The following AATK variants were observed in gnomAD, a reference collection of about 807,000 sequenced individuals.
AATK encodes the protein serine/threonine-protein kinase LMTK1.
AATK carries 91 observed loss-of-function variants against 114.3 expected under a neutral mutation model. The ratio of observed to expected loss-of-function variants is 0.80; its 90% CI spans 0.67 to 0.95. AATK has a LOEUF of 0.95. AATK is among the 40% of genes least tolerant of loss of function. The pLI, the probability that AATK is intolerant of heterozygous loss-of-function variation, is 0.00. For synonymous variants in AATK, 1,075 were observed against 916.5 expected (o/e 1.17, Z -3.12); for missense variants, 2,176 against 1,965.2 (o/e 1.11, Z -2.03).
chr17:81,120,357 C>A lies in AATK; in HGVS notation c.3579G>T (p.Ala1193=), dbSNP rs1387734465. 1.2e-6 allele frequency: 2 copies of A among 1,609,724 alleles called. No individual in the cohort carries two copies. The highest frequency in any genetic ancestry group is 1.7e-6 in the Non-Finnish European group (2 of 1,179,046). ...GGCTCTCAGCCACCACCACGGGCAC[C>A]GCCGGCGCCTCCTCTTCGCTGTCCT... is the stretch of plus-strand genomic sequence containing the variant. ...PSEDSEEEAP[A]VPVVVAESQS... The change falls in exon 11 of 14, where the codon GCG becomes GCT. Residue 1193 remains alanine, a synonymous_variant. Transcript: ENST00000326724.
intron 1 of AATK, among the ~76,000 whole-genome samples, chr17:81,138,231 A>G (rs1431575135): frequency 6.7e-6 from 1 of 149,604 alleles, no homozygotes; most frequent in Non-Finnish European, 1.5e-5. Flanking sequence ...ATCCACCCAC[A>G]CGCACATACC....
At chr17:81,155,373 T>C (rs371311081) in intron 1 of AATK, among the ~76,000 whole-genome samples, 4 of 145,440 alleles carry the variant, frequency 2.8e-5, no homozygotes, top group African/African-American at 1.1e-4. Flanking sequence ...TTTTAATACA[T>C]TTTACCTATT....
In AATK at chr17:81,119,458, G is replaced by C; in HGVS notation, c.4006C>G (p.Arg1336Gly). The change falls in exon 13 of 14, where the codon CGC becomes GGC. Residue 1336 changes from arginine to glycine, a missense_variant. Around this residue, in one of 4 missense-constraint regions of AATK, gnomAD observed 1,701 missense variants for 1,394.7 expected, o/e 1.22. Coordinates refer to ENST00000326724, the MANE Select transcript of AATK (RefSeq NM_001080395.3). ...APTPTPAPFS[R>G]FTVSPAPTSR... ...GTGGGCGCGGGCGACACCGTGAAGC[G>C]CGAGAAGGGAGCGGGCGTGGGCGTG... The C allele has an allele frequency of 1.3e-6, 2 of 1,513,276 alleles. No homozygotes were observed. Among genetic ancestry groups the C allele is most frequent in the Non-Finnish European group, 1.8e-6 (2 of 1,135,686 alleles). 93.7% of individuals were successfully genotyped at this position (1,513,276 alleles called of 1,614,324 possible).
chr17:81,138,253 A>C (rs534835416), intron 1 of AATK, among the ~76,000 whole-genome samples: 28 of 138,608 alleles, frequency 2.0e-4, no homozygotes, highest in Non-Finnish European at 4.1e-4. Context: ...ACACACATGC[A>C]CAGAGACATA....
At chr17:81,136,669 G>A (rs1291443167) in intron 1 of AATK, among the ~76,000 whole-genome samples, 1 of 152,226 alleles carries the variant, frequency 6.6e-6, no homozygotes, top group East Asian at 1.9e-4. Context: ...GGGTCATTCA[G>A]CACCACGTGC....
Position 81,120,678 on chromosome 17 carries a change from T to C in AATK, c.3258A>G (p.Pro1086=). 1 of 1,514,374 alleles carries C rather than the reference T, an allele frequency of 6.6e-7. No homozygotes were observed. The highest frequency in any genetic ancestry group is 8.8e-7 in the Non-Finnish European group (1 of 1,132,562). The allele number at this position is 1,514,374 out of a possible 1,614,324, so 93.8% of individuals were successfully genotyped here. ...LVPEPPEPQG[P]AKVRPGPSPS... is the part of the protein sequence containing the mutation. ...GGCTGGGCCCAGGCCGCACCTTGGCTGGGCCTTGGGGCTCCGGAGGCTCTG... is the reference window on the plus strand; with the variant it reads ...GGCTGGGCCCAGGCCGCACCTTGGCCGGGCCTTGGGGCTCCGGAGGCTCTG... The change falls in exon 11 of 14, where the codon CCA becomes CCG. Residue 1086 remains proline (P), a synonymous_variant. Transcript: ENST00000326724.
At chr17:81,131,234 C>T in intron 2 of AATK, 29 bp from the exon 3 acceptor site, 1 of 1,550,394 alleles carries the variant, frequency 6.4e-7, no homozygotes. Context: ...ATGAGCGGGG[C>T]TTCTCGCAGG....
At chr17:81,138,144 TACGCGCACGCCCACATGCACACAC>T (rs1190949566) in intron 1 of AATK, among the ~76,000 whole-genome samples, 19 of 116,742 alleles carry the variant, frequency 1.6e-4, no homozygotes, top group African/African-American at 6.5e-4. Flanking sequence ...CATGCACACA[TACGCGCACGCCCACATGCACACAC>T]ACACTTACCC....
chr17:81,134,989 C>T (rs575084815), intron 1 of AATK, among the ~76,000 whole-genome samples: 212 of 152,270 alleles, frequency 1.4e-3, no homozygotes, highest in African/African-American at 4.9e-3. Flanking sequence ...CTCTGAGGTG[C>T]GGGGACCTCA....
chr17:81,117,639 G>A lies in AATK; in HGVS notation c.*763C>T, dbSNP rs915731464. On this transcript the variant is annotated 3_prime_UTR_variant, in exon 14 of 14. Coordinates refer to ENST00000326724, the MANE Select transcript of AATK (RefSeq NM_001080395.3). ...CAGGACCAGATACTGCCCCACAGAG[G>A]GGAGCTGCCTGCACGGTCCTGCCAA... 1 of 152,242 alleles carries A rather than the reference G, an allele frequency of 6.6e-6. No individual in the cohort carries two copies. The highest frequency in any genetic ancestry group is 2.4e-5 in the African/African-American group (1 of 41,450). The allele number at this position is 152,242 out of a possible 1,614,324, so 9.4% of individuals were successfully genotyped here.
At chr17:81,118,470 CAG>C (rs2060597909) in intron 13 of AATK, 28 bp from the exon 14 acceptor site, 1 of 1,602,170 alleles carries the variant, frequency 6.2e-7, no homozygotes, top group Middle Eastern at 1.7e-4. Context: ...AAAGTGAACA[CAG>C]GGTTCTGAGA....
chr17:81,140,965 C>T (rs1237032581), intron 1 of AATK, among the ~76,000 whole-genome samples: 6 of 139,302 alleles, frequency 4.3e-5, no homozygotes, highest in Admixed American at 7.2e-5. Context: ...GACCGTGAGC[C>T]GTGGGGCCGT....
intron 1 of AATK, chr17:81,160,219 C>G (rs1265015153): frequency 8.1e-6 from 8 of 983,368 alleles, no homozygotes; most frequent in Non-Finnish European, 9.7e-6. Context: ...CGCATCCTCC[C>G]AGAAACCCCC....
In AATK at chr17:81,121,404, C is replaced by T. The variant is rs189184064; in HGVS notation, c.2532G>A (p.Leu844=). ...CCTCGGGAGAGCTGCTGCTGCCATT[C>T]AGGGCAGAAGCCAGCTTGATGGCAG... ...EVSAIKLASA[L]NGSSSSPEVE... is the part of the protein sequence containing the mutation. Residue 844 remains leucine, a synonymous_variant, in exon 11 of 14, where the codon CTG becomes CTA. Transcript: ENST00000326724. 919 of 1,608,326 alleles carry T rather than the reference C, an allele frequency of 5.7e-4. 4 individuals are homozygous for T. Among genetic ancestry groups the T allele is most frequent in the Non-Finnish European group, 5.4e-4 (642 of 1,178,244 alleles).
rs528343648 is a variant in AATK at position 81,117,654 on chromosome 17, G to C, written c.*748C>G. On this transcript the variant is annotated 3_prime_UTR_variant, in exon 14 of 14. Coordinates refer to ENST00000326724, the MANE Select transcript of AATK (RefSeq NM_001080395.3). ...CCCCACAGAGGGGAGCTGCCTGCACGGTCCTGCCAAGGGCACCTCTAGAAC... is the reference window on the plus strand; with the variant it reads ...CCCCACAGAGGGGAGCTGCCTGCACCGTCCTGCCAAGGGCACCTCTAGAAC... The C allele has an allele frequency of 1.3e-5, 2 of 152,282 alleles. No homozygotes were observed. The highest frequency in any genetic ancestry group is 1.9e-4 in the East Asian group (1 of 5,182). The allele number at this position is 152,282 out of a possible 1,614,324, so 9.4% of individuals were successfully genotyped here. A position where few individuals can be genotyped will look rare whatever the true frequency, so the allele number is the denominator to read the frequency against.
Position 81,127,642 on chromosome 17 carries a change from A to C in AATK, c.562T>G (p.Cys188Gly), listed in dbSNP as rs2060863063. ...GTCACCTCGGCGCACTGGGCCAGGCACTGGAGCAGGTTGCTGTGCTTCAGG... is the reference window on the plus strand; with the variant it reads ...GTCACCTCGGCGCACTGGGCCAGGCCCTGGAGCAGGTTGCTGTGCTTCAGG... ...RALKHSNLLQ[C>G]LAQCAEVTPY... Residue 188 changes from cysteine to glycine, a missense_variant, in exon 6 of 14, where the codon TGC becomes GGC. Physicochemically the swap from Cys to Gly is radical, Grantham distance 159 (BLOSUM62 -3). This residue lies in a region of AATK where 273 missense variants were observed against 344.1 expected (regional missense o/e 0.79). Coordinates refer to ENST00000326724, the MANE Select transcript of AATK (RefSeq NM_001080395.3). 2 of 1,597,256 alleles carry C rather than the reference A, an allele frequency of 1.3e-6. No homozygotes were observed. Among genetic ancestry groups the C allele is most frequent in the Admixed American group, 1.7e-5 (1 of 57,914 alleles).
chr17:81,121,560 G>C lies in AATK; in HGVS notation c.2376C>G (p.Pro792=). Reference sequence around the variant, plus strand: ...AGGGGACGGAAGGAAGGGGCAGGCGGGGTCCGGTAGTGCCCTCAGCCTCCG... The same window carrying C: ...AGGGGACGGAAGGAAGGGGCAGGCGCGGTCCGGTAGTGCCCTCAGCCTCCG... The part of the protein sequence containing the change: ...LATEAEGTTG[P]RLPLPSVPSP... Residue 792 remains proline (P), a synonymous_variant, in exon 11 of 14, where the codon CCC becomes CCG. Coordinates refer to ENST00000326724, the MANE Select transcript of AATK (RefSeq NM_001080395.3). The C allele has an allele frequency of 6.6e-7, 1 of 1,521,020 alleles. No individual in the cohort carries two copies. The highest frequency in any genetic ancestry group is 1.3e-5 in the South Asian group (1 of 77,132). 94.2% of individuals were successfully genotyped at this position (1,521,020 alleles called of 1,614,324 possible). A position where few individuals can be genotyped will look rare whatever the true frequency, so the allele number is the denominator to read the frequency against.
At chr17:81,156,986 C>G (rs1199448617) in intron 1 of AATK, among the ~76,000 whole-genome samples, 2 of 152,174 alleles carry the variant, frequency 1.3e-5, no homozygotes, top group Non-Finnish European at 2.9e-5. Flanking sequence ...GCAGGAGGAG[C>G]CTCTGGGACA....
intron 1 of AATK, among the ~76,000 whole-genome samples, chr17:81,145,733 CAAAA>C (rs11332251): frequency 1.3e-4 from 9 of 71,128 alleles, no homozygotes; most frequent in African/African-American, 4.3e-4. Flanking sequence ...AACTCCATCT[CAAAA>C]AAAAAAAAAA....
Sources: gnomAD v4.1 joint callset for allele counts (sites outside exome capture counted in the v4.1 genomes callset) on GRCh38, gnomAD v4.1.1 for gene constraint, gnomAD v4.1.1 regional missense constraint, MANE v1.5 for transcripts, NCBI Gene and HGNC (gene_info 2026-07-23, HGNC 2026-07-21) for gene names.